The following NYAP2 variants were observed in gnomAD, a reference collection of about 807,000 sequenced individuals.
NYAP2 encodes neuronal tyrosine-phosphorylated phosphoinositide-3-kinase adapter 2.
Under a neutral mutation model 50.4 loss-of-function variants are expected in NYAP2, and 23 were observed. That is an observed-to-expected ratio of 0.46 (90% CI 0.33 to 0.65). NYAP2 has a LOEUF of 0.65. Ranked by LOEUF, NYAP2 falls within the 30% of genes least tolerant of loss-of-function variation. The probability of loss-of-function intolerance (pLI) is 0.02; values close to 1 mark genes in which losing one functional copy is unlikely to be tolerated. For synonymous variants in NYAP2, 394 were observed against 365.2 expected, an observed-to-expected ratio of 1.08 and a Z score of -0.90; for missense variants, 885 against 861.0, an observed-to-expected ratio of 1.03 and a Z score of -0.35.
At chr2:225,414,816 T>C (rs1033053439) in intron 3 of NYAP2, among the ~76,000 whole-genome samples, 4 of 152,168 alleles carry the variant, frequency 2.6e-5, no homozygotes, top group Non-Finnish European at 5.9e-5. Flanking sequence ...GTTTTCTTTC[T>C]TAAATCTGAA....
intron 4 of NYAP2, among the ~76,000 whole-genome samples, chr2:225,537,501 A>T (rs890198385): frequency 2.0e-5 from 3 of 152,154 alleles, no homozygotes; most frequent in Non-Finnish European, 2.9e-5. Flanking sequence ...GTTTGTGCAG[A>T]TATAATTCCC....
intron 3 of NYAP2, among the ~76,000 whole-genome samples, chr2:225,413,963 A>G (rs1480488520): frequency 6.6e-6 from 1 of 152,182 alleles, no homozygotes; most frequent in Non-Finnish European, 1.5e-5. Flanking sequence ...GGATTGCTTA[A>G]AAAATGGAAA....
chr2:225,602,855 T>C (rs1275159910), intron 5 of NYAP2, among the ~76,000 whole-genome samples: 3 of 152,170 alleles, frequency 2.0e-5, no homozygotes, highest in Non-Finnish European at 4.4e-5. Context: ...GTTACTGTTT[T>C]ATAGCAAGTT....
At chr2:225,689,628 C>A in the NYAP2 span, among the ~76,000 whole-genome samples, 1 of 152,084 alleles carries the variant, frequency 6.6e-6, no homozygotes, top group African/African-American at 2.4e-5. Flanking sequence ...TACTGCAATT[C>A]CAGTACATGC....
intron 3 of NYAP2, among the ~76,000 whole-genome samples, chr2:225,482,470 G>T (rs1324731247): frequency 1.3e-5 from 2 of 152,012 alleles, no homozygotes; most frequent in African/African-American, 2.4e-5. Flanking sequence ...TTTCTTTTCT[G>T]CTTCACTATG....
At chr2:225,645,513 C>A (rs995926554) in intron 6 of NYAP2, among the ~76,000 whole-genome samples, 21 of 151,816 alleles carry the variant, frequency 1.4e-4, no homozygotes, top group African/African-American at 3.4e-4. Context: ...CTTTCTGAAT[C>A]AACCTCTTTC....
the NYAP2 span, among the ~76,000 whole-genome samples, chr2:225,665,442 G>T: frequency 6.6e-6 from 1 of 152,050 alleles, no homozygotes; most frequent in Non-Finnish European, 1.5e-5. Flanking sequence ...TCCCCTTCCT[G>T]TCCTGCTGGT....
chr2:225,496,652 C>G (rs1294338293), intron 3 of NYAP2, among the ~76,000 whole-genome samples: 1 of 152,166 alleles, frequency 6.6e-6, no homozygotes, highest in Non-Finnish European at 1.5e-5. Context: ...TAAGTTGAAC[C>G]AGGCTTCAGT....
chr2:225,668,295 T>C, the NYAP2 span, among the ~76,000 whole-genome samples: 98,138 of 151,922 alleles, frequency 0.65, 32,217 homozygotes, highest in South Asian at 0.82. Flanking sequence ...CTACATGTGA[T>C]GACCTTCTCC....
At chr2:225,469,433 G>T (rs1689977592) in intron 3 of NYAP2, among the ~76,000 whole-genome samples, 1 of 152,116 alleles carries the variant, frequency 6.6e-6, no homozygotes, top group South Asian at 2.1e-4. Context: ...CATTGTGGAA[G>T]ATAATGTGGC....
intron 3 of NYAP2, among the ~76,000 whole-genome samples, chr2:225,492,266 T>C (rs575122845): frequency 6.6e-6 from 1 of 152,332 alleles, no homozygotes; most frequent in South Asian, 2.1e-4. Flanking sequence ...TCAAGAAGTA[T>C]ATTTACATTC....
chr2:225,546,780 A>G (rs1448607600), intron 4 of NYAP2, among the ~76,000 whole-genome samples: 1 of 152,076 alleles, frequency 6.6e-6, no homozygotes, highest in African/African-American at 2.4e-5. Context: ...TAGCCATCAC[A>G]GCTGTGAATG....
intron 5 of NYAP2, among the ~76,000 whole-genome samples, chr2:225,587,394 A>G (rs923999382): frequency 2.0e-4 from 30 of 152,316 alleles, no homozygotes; most frequent in African/African-American, 7.0e-4. Context: ...GCAAAGGAAG[A>G]GACTAAGGAA....
rs531578949 is a variant in NYAP2, at chr2:225,415,042, G to T, written c.221+5941G>T. ...CAAAACATTGTGAATCTGGAAGACA[G>T]CTCTCGACTTTAGCAAAGTGGTTCT... On this transcript the variant is annotated intron_variant, in intron 3 of 6. Coordinates refer to ENST00000636099, the Ensembl canonical transcript of NYAP2. Among the ~76,000 whole-genome samples, 3 of 152,176 alleles carry T rather than the reference G, an allele frequency of 2.0e-5. No individual in the cohort carries two copies. The East Asian group carries it at 5.8e-4, about 29-fold the overall frequency.
chr2:225,571,235 G>A (rs563635490), intron 4 of NYAP2, among the ~76,000 whole-genome samples: 71 of 152,300 alleles, frequency 4.7e-4, no homozygotes, highest in Admixed American at 2.1e-3. Flanking sequence ...CATGGTGCAA[G>A]CTGTTAGTGG....
At chr2:225,477,093 G>A (rs1031792374) in intron 3 of NYAP2, among the ~76,000 whole-genome samples, 4 of 152,048 alleles carry the variant, frequency 2.6e-5, no homozygotes, top group Non-Finnish European at 5.9e-5. Flanking sequence ...CAGCACTTGT[G>A]AGGTATATAT....
In NYAP2 at chr2:225,486,210, C is replaced by T. The variant is rs962994493; in HGVS notation, c.222-27161C>T. 1.3e-4 allele frequency among the ~76,000 whole-genome samples: 20 copies of T among 152,246 alleles called. No individual in the cohort carries two copies. The East Asian group carries it at 3.9e-3, about 29-fold the overall frequency. On this transcript the variant is annotated intron_variant, in intron 3 of 6. Transcript: ENST00000636099. The stretch of plus-strand genomic sequence containing the variant: ...GAACAAGTGTGAAAAAGAGGAGACC[C>T]AGATTTTTGAGAAGCTTGGCTGCTC...
intron 3 of NYAP2, among the ~76,000 whole-genome samples, chr2:225,512,890 T>G (rs1690857236): frequency 7.5e-6 from 1 of 133,630 alleles, no homozygotes; most frequent in Admixed American, 7.9e-5. Flanking sequence ...CCTTCCTTCC[T>G]TCCTTCCTTT....
At position 225,572,171 on chromosome 2, in the gene NYAP2, G is replaced by A. The variant is rs544116042; in HGVS notation, c.524-9770G>A. Among the ~76,000 whole-genome samples, 8 of 152,230 alleles carry A rather than the reference G, an allele frequency of 5.3e-5. No individual in the cohort carries two copies. The East Asian group carries it at 5.8e-4, about 11-fold the overall frequency. ...TCTAGGAAGTTTCAAACTTTCCCAC[G>A]TTTTCCTTTCTTCTTCCAAGCCCTC... On this transcript the variant is annotated intron_variant, in intron 4 of 6. Transcript: ENST00000636099.
Sources: allele counts gnomAD v4.1 joint callset (sites outside exome capture counted in the v4.1 genomes callset), GRCh38; gene constraint gnomAD v4.1.1; transcripts MANE v1.5; gene names NCBI Gene and HGNC (gene_info 2026-07-23, HGNC 2026-07-21).